ZFPM2: variants seen among roughly 807,000 people sequenced by gnomAD.
ZFPM2 encodes zinc finger protein ZFPM2.
ZFPM2 carries 20 observed loss-of-function variants against 98.6 expected under a neutral mutation model. The observed-to-expected ratio is 0.20, with a 90% CI of 0.14 to 0.29. The LOEUF (loss-of-function observed/expected upper bound fraction) is 0.29, where lower values mean the gene tolerates loss of function less well. Among genes scored for constraint, ZFPM2 ranks in the 10% least tolerant of loss-of-function variants. The probability of loss-of-function intolerance (pLI) is 1.00; values close to 1 mark genes in which losing one functional copy is unlikely to be tolerated. For synonymous variants in ZFPM2, 518 were observed against 502.7 expected, an observed-to-expected ratio of 1.03 and a Z score of -0.41; for missense variants, 1,310 against 1,388.6, an observed-to-expected ratio of 0.94 and a Z score of 0.90.
At chr8:105,458,110 C>A (rs940808668) in intron 3 of ZFPM2, among the ~76,000 whole-genome samples, 1 of 152,112 alleles carries the variant, frequency 6.6e-6, no homozygotes, top group African/African-American at 2.4e-5. Flanking sequence ...AAGAAAGGAG[C>A]CTCAAGGGAT....
In ZFPM2 at chr8:105,628,338, C is replaced by T. The variant is rs878979000; in HGVS notation, c.421-5908C>T. On this transcript the variant is annotated intron_variant, in intron 4 of 7. Coordinates refer to ENST00000407775, the MANE Select transcript of ZFPM2 (RefSeq NM_012082.4). ...TTTTATAAGCAGGAATTATTACAGTCACCATTGTGTATTTGCTTGTATTTT... is the reference window on the plus strand; with the variant it reads ...TTTTATAAGCAGGAATTATTACAGTTACCATTGTGTATTTGCTTGTATTTT... Among the ~76,000 whole-genome samples the T allele has an allele frequency of 5.3e-5, 8 of 152,146 alleles. No homozygotes were observed. In the South Asian group the frequency reaches 6.2e-4, roughly 12 times the overall value.
chr8:105,639,907 T>C (rs180764226), intron 5 of ZFPM2, among the ~76,000 whole-genome samples: 168 of 152,188 alleles, frequency 1.1e-3, no homozygotes, highest in Non-Finnish European at 1.8e-3. Context: ...TTGGATTTTT[T>C]TCTTGGGCAC....
At chr8:105,606,853 T>A (rs189773738) in intron 4 of ZFPM2, among the ~76,000 whole-genome samples, 2 of 152,236 alleles carry the variant, frequency 1.3e-5, no homozygotes, top group Admixed American at 1.3e-4. Flanking sequence ...GGAAGAACTG[T>A]TTAGGATATT....
At chr8:105,537,813 C>T (rs1171318213) in intron 3 of ZFPM2, among the ~76,000 whole-genome samples, 1 of 152,072 alleles carries the variant, frequency 6.6e-6, no homozygotes, top group Non-Finnish European at 1.5e-5. Flanking sequence ...TCACTGCAAC[C>T]TCCACCTCCT....
At chr8:105,653,626 C>T (rs1283658539) in intron 5 of ZFPM2, among the ~76,000 whole-genome samples, 2 of 152,030 alleles carry the variant, frequency 1.3e-5, no homozygotes, top group African/African-American at 2.4e-5. Flanking sequence ...TCTGAGAAGC[C>T]AGGGTCTAGT....
intron 1 of ZFPM2, among the ~76,000 whole-genome samples, chr8:105,383,923 T>C (rs1250677401): frequency 1.3e-5 from 2 of 152,222 alleles, no homozygotes; most frequent in Non-Finnish European, 2.9e-5. Flanking sequence ...TCCATTTTTC[T>C]GTCTTCTTTC....
intron 5 of ZFPM2, among the ~76,000 whole-genome samples, chr8:105,681,125 C>G (rs1810590253): frequency 6.6e-6 from 1 of 152,102 alleles, no homozygotes; most frequent in African/African-American, 2.4e-5. Flanking sequence ...TTATGATAAT[C>G]AAAACTCATG....
Position 105,708,427 on chromosome 8 carries a change from C to CGTTG in ZFPM2, c.532+74070_532+74071insGTTG, listed in dbSNP as rs530749416. 1.4e-3 allele frequency among the ~76,000 whole-genome samples: 216 copies of CGTTG among 151,354 alleles called. 3 individuals are homozygous for CGTTG. The highest frequency in any genetic ancestry group is 6.8e-3 in the Middle Eastern group (2 of 294). On this transcript the variant is annotated intron_variant, in intron 5 of 7. Coordinates refer to ENST00000407775, the MANE Select transcript of ZFPM2 (RefSeq NM_012082.4). ...AGGAGTTTTCTTGGGGTTTCGTTGC[C>CGTTG]ATTGTTTGTTTGTTTGTTTGTTTGT...
intron 1 of ZFPM2, among the ~76,000 whole-genome samples, chr8:105,406,471 C>A (rs1013066036): frequency 1.4e-4 from 21 of 152,030 alleles, no homozygotes; most frequent in Non-Finnish European, 2.9e-4. Context: ...GGATTAAAGA[C>A]CTACATGTTA....
intron 4 of ZFPM2, among the ~76,000 whole-genome samples, chr8:105,584,402 G>C (rs1815668719): frequency 6.6e-6 from 1 of 151,914 alleles, no homozygotes; most frequent in South Asian, 2.1e-4. Context: ...CTTCCTCCTA[G>C]TACTTCTGAA....
chr8:105,802,645 G>T lies in ZFPM2; in HGVS notation c.2563G>T (p.Glu855Ter). ...TSPKRLLDYH[E>*]CTVCKISFNK... ...TCCCAAAAGGCTGCTGGACTATCAC[G>T]AGTGCACTGTGTGCAAGATCAGTTT... The change falls in exon 8 of 8, where the codon GAG (glutamate) becomes TAG (stop). Residue 855 changes from glutamate to a stop codon, truncating the protein, a stop_gained. Transcript: ENST00000407775. LOFTEE classifies it high-confidence loss of function. The T allele has an allele frequency of 6.2e-7, 1 of 1,610,992 alleles. No homozygotes were observed. The highest frequency in any genetic ancestry group is 8.5e-7 in the Non-Finnish European group (1 of 1,178,586).
intron 1 of ZFPM2, among the ~76,000 whole-genome samples, chr8:105,386,402 G>A (rs536265667): frequency 3.9e-5 from 6 of 152,042 alleles, no homozygotes; most frequent in Admixed American, 6.6e-5. Context: ...TCCGGAATTC[G>A]TGGGTTCTTG....
intron 5 of ZFPM2, among the ~76,000 whole-genome samples, chr8:105,714,372 CT>C (rs2130983731): frequency 6.6e-6 from 1 of 152,042 alleles, no homozygotes; most frequent in East Asian, 1.9e-4. Flanking sequence ...TTGGCAGAGT[CT>C]TTAGGGTTTT....
intron 5 of ZFPM2, among the ~76,000 whole-genome samples, chr8:105,769,152 G>A (rs1433733961): frequency 6.6e-6 from 1 of 151,848 alleles, no homozygotes; most frequent in Non-Finnish European, 1.5e-5. Flanking sequence ...TCATACTTTT[G>A]TTTACTGTCT....
intron 2 of ZFPM2, among the ~76,000 whole-genome samples, chr8:105,440,978 C>A (rs572533977): frequency 6.6e-6 from 1 of 151,830 alleles, no homozygotes; most frequent in Admixed American, 6.6e-5. Flanking sequence ...GGTGAAACCC[C>A]GTCTCTACTA....
chr8:105,318,735 T>C lies in ZFPM2; in HGVS notation c.-207T>C, dbSNP rs2130634741. 6.6e-6 allele frequency: 1 copy of C among 151,308 alleles called. No homozygotes were observed. Among genetic ancestry groups the C allele is most frequent in the East Asian group, 2.1e-4 (1 of 4,808 alleles). 9.4% of individuals were successfully genotyped at this position (151,308 alleles called of 1,614,324 possible). On this transcript the variant is annotated 5_prime_UTR_variant, in exon 1 of 8. Coordinates refer to ENST00000407775, the MANE Select transcript of ZFPM2 (RefSeq NM_012082.4). Reference sequence around the variant, plus strand: ...CACTGTCACACTCTCTGTGCCCCCGTCTCTCTTCTCTCATTTGCTTGCTCA... The same window carrying C: ...CACTGTCACACTCTCTGTGCCCCCGCCTCTCTTCTCTCATTTGCTTGCTCA...
chr8:105,392,498 C>T (rs529221974), intron 1 of ZFPM2, among the ~76,000 whole-genome samples: 12 of 152,260 alleles, frequency 7.9e-5, no homozygotes, highest in African/African-American at 2.9e-4. Context: ...TGTCACCTTC[C>T]TTTGTCTAGT....
rs117599994 is a variant in ZFPM2 at position 105,536,545 on chromosome 8, G to A, written c.302-24818G>A. 4.1e-3 allele frequency among the ~76,000 whole-genome samples: 630 copies of A among 151,960 alleles called. 9 individuals carry two copies. In the East Asian group the frequency reaches 0.05, roughly 12 times the overall value. ...GTTAAGAACTACTTTTATTTGCACCGAGATAATGGGATCTCTGTCCATGTT... is the reference window on the plus strand; with the variant it reads ...GTTAAGAACTACTTTTATTTGCACCAAGATAATGGGATCTCTGTCCATGTT... On this transcript the variant is annotated intron_variant, in intron 3 of 7. Coordinates refer to ENST00000407775, the MANE Select transcript of ZFPM2 (RefSeq NM_012082.4).
At chr8:105,494,739 T>TTTTA (rs535207430) in intron 3 of ZFPM2, among the ~76,000 whole-genome samples, 173 of 152,248 alleles carry the variant, frequency 1.1e-3, no homozygotes, top group Non-Finnish European at 2.1e-3. Flanking sequence ...GCAGTCTGTG[T>TTTTA]TTTAACAAGA....
Sources: gnomAD v4.1 joint callset for allele counts (sites outside exome capture counted in the v4.1 genomes callset) on GRCh38, gnomAD v4.1.1 for gene constraint, MANE v1.5 for transcripts, NCBI Gene and HGNC (gene_info 2026-07-23, HGNC 2026-07-21) for gene names.